Variants in GTF2F1 observed in about 807,000 individuals in gnomAD.
The protein encoded by GTF2F1 is general transcription factor IIF subunit 1.
A neutral mutation model predicts 63.5 loss-of-function variants in GTF2F1; 39 were observed. The observed-to-expected ratio is 0.61, with a 90% confidence interval of 0.48 to 0.80. GTF2F1 has a LOEUF of 0.80. Among genes scored for constraint, GTF2F1 ranks in the 30% least tolerant of loss-of-function variants. The pLI is 0.00. For synonymous variants in GTF2F1, 287 were observed against 285.3 expected (o/e 1.01, Z -0.06); for missense variants, 657 against 718.3 (o/e 0.91, Z 0.97).
At chr19:6,388,356 G>C (rs1313493946) in intron 4 of GTF2F1, among the ~76,000 whole-genome samples, 1 of 152,184 alleles carries the variant, frequency 6.6e-6, no homozygotes, top group Non-Finnish European at 1.5e-5. Flanking sequence ...GACAGTCTGG[G>C]TGAGTGCCTC....
At position 6,383,560 on chromosome 19, in the gene GTF2F1, G is replaced by A. The variant is rs2091963061; in HGVS notation, c.498-65C>T. 2.6e-6 allele frequency: 4 copies of A among 1,553,788 alleles called. No individual in the cohort carries two copies. The African/African-American group carries it at 5.4e-5, about 21-fold the overall frequency. ...ACCACCCTGCATCTGTGCTTGCAGG[G>A]GGCGAGCCCCAGGGCACCACCCACA... On this transcript the variant is annotated intron_variant, in intron 5 of 12. Coordinates refer to ENST00000394456, the MANE Select transcript of GTF2F1 (RefSeq NM_002096.3). This position sits in a 1 kb window ranked among gnomAD's most constrained non-coding sequence, Gnocchi z 4.5.
rs762261355 is a variant in GTF2F1, at chr19:6,383,398, G to A, written c.595C>T (p.Arg199Cys). The A allele has an allele frequency of 1.2e-5, 19 of 1,614,174 alleles. No homozygotes were observed. In the East Asian group the frequency reaches 2.0e-4, roughly 17 times the overall value. ...EDEEEKEKRGRRKASELRIHD... is the reference protein window; with the variant it reads ...EDEEEKEKRGCRKASELRIHD... ...ATGCGCAGCTCGCTCGCCTTCCTGC[G>A]GCCACGTTTCTCCTTCTCCTCCTCA... is the stretch of plus-strand genomic sequence containing the variant. Residue 199 changes from arginine (R) to cysteine (C), a missense_variant, in exon 6 of 13, where the codon CGC (arginine) becomes TGC (cysteine). Arg to Cys is a radical substitution (Grantham distance 180). Coordinates refer to ENST00000394456, the MANE Select transcript of GTF2F1 (RefSeq NM_002096.3). The surrounding 1 kb of genome is among the most constrained non-coding windows in gnomAD (Gnocchi z 4.5).
chr19:6,382,101 T>A (rs779290785), intron 6 of GTF2F1, among the ~76,000 whole-genome samples: 1 of 151,974 alleles, frequency 6.6e-6, no homozygotes, highest in Non-Finnish European at 1.5e-5. Flanking sequence ...GCGAGGCACC[T>A]GATAACCAGG....
Position 6,381,150 on chromosome 19 carries a change from C to A in GTF2F1, c.1064G>T (p.Ser355Ile), listed in dbSNP as rs759814022. 6 of 1,611,926 alleles carry A rather than the reference C, an allele frequency of 3.7e-6. No individual in the cohort carries two copies. Among genetic ancestry groups the A allele is most frequent in the Non-Finnish European group, 5.1e-6 (6 of 1,179,298 alleles). ...CATGAAGAGGGCTGAGGAGGCCTCG[C>A]TGTCAATGTCGCTCTCCTCTGAGCT... The part of the protein sequence containing the change: ...SDSSEESDID[S>I]EASSALFMAK... The change falls in exon 10 of 13, where the codon AGC (serine) becomes ATC (isoleucine). Residue 355 changes from serine (S) to isoleucine (I), a missense_variant. By Grantham distance (142) the Ser-to-Ile change is moderately radical. Around this residue, in one of 2 missense-constraint regions of GTF2F1, gnomAD observed 602 missense variants for 625.6 expected, o/e 0.96. Transcript: ENST00000394456. This position sits in a 1 kb window ranked among gnomAD's most constrained non-coding sequence, Gnocchi z 4.1.
rs745472895 is a variant in GTF2F1, at chr19:6,381,045, G to A, written c.1093-3C>T. ...CTCTTGGGTGGCGTCTTCTTCTTCTGCAGAGGTCAGGGTTGGGAGGTGGGT... is the reference window on the plus strand; with the variant it reads ...CTCTTGGGTGGCGTCTTCTTCTTCTACAGAGGTCAGGGTTGGGAGGTGGGT... On this transcript the variant is annotated splice_polypyrimidine_tract_variant and splice_region_variant and intron_variant, in intron 10 of 12. Transcript: ENST00000394456. This position sits in a 1 kb window ranked among gnomAD's most constrained non-coding sequence, Gnocchi z 4.1. 2.0e-5 allele frequency: 32 copies of A among 1,611,218 alleles called. No individual in the cohort carries two copies. Among genetic ancestry groups the A allele is most frequent in the Non-Finnish European group, 2.7e-5 (32 of 1,178,926 alleles).
chr19:6,381,056 G>T lies in GTF2F1; in HGVS notation c.1093-14C>A. ...CGTCTTCTTCTTCTGCAGAGGTCAG[G>T]GTTGGGAGGTGGGTGAGTCTGCAAA... On this transcript the variant is annotated splice_polypyrimidine_tract_variant and intron_variant, in intron 10 of 12. Transcript: ENST00000394456. This position sits in a 1 kb window ranked among gnomAD's most constrained non-coding sequence, Gnocchi z 4.1. 1 of 1,610,880 alleles carries T rather than the reference G, an allele frequency of 6.2e-7. No homozygotes were observed. Among genetic ancestry groups the T allele is most frequent in the Admixed American group, 1.7e-5 (1 of 59,590 alleles).
At position 6,380,562 on chromosome 19, in the gene GTF2F1, C is replaced by G; in HGVS notation, c.1349+11G>C. 1 of 1,613,654 alleles carries G rather than the reference C, an allele frequency of 6.2e-7. No individual in the cohort carries two copies. The highest frequency in any genetic ancestry group is 2.2e-5 in the East Asian group (1 of 44,866). The stretch of plus-strand genomic sequence containing the variant: ...CCCTTGCCCTGCCCCCTGCTGTCCT[C>G]GTCAACTTACCCGCTGTTGGGTGTT... On this transcript the variant is annotated intron_variant, in intron 12 of 12. Transcript: ENST00000394456. The surrounding 1 kb of genome is among the most constrained non-coding windows in gnomAD (Gnocchi z 5.3).
In GTF2F1 at chr19:6,381,431, G is replaced by C; in HGVS notation, c.946C>G (p.Pro316Ala). 1 of 1,610,070 alleles carries C rather than the reference G, an allele frequency of 6.2e-7. No individual in the cohort carries two copies. The highest frequency in any genetic ancestry group is 8.5e-7 in the Non-Finnish European group (1 of 1,179,754). Residue 316 changes from proline (P) to alanine (A), a missense_variant, in exon 9 of 13, where the codon CCG becomes GCG. Pro to Ala is a conservative substitution (Grantham distance 27). Coordinates refer to ENST00000394456, the MANE Select transcript of GTF2F1 (RefSeq NM_002096.3). The surrounding 1 kb of genome is among the most constrained non-coding windows in gnomAD (Gnocchi z 4.1). ...TCCTCCTCCTTGTCCTCCTCAGGCG[G>C]CTTCTCCTCCTCACTCTCCTCACTA... ...DSSEESEEEKPPEEDKEEEEE... is the reference protein window; with the variant it reads ...DSSEESEEEKAPEEDKEEEEE...
chr19:6,385,534 C>T lies in GTF2F1; in HGVS notation c.497+1855G>A, dbSNP rs371718436. Among the ~76,000 whole-genome samples, 220 of 152,028 alleles carry T rather than the reference C, an allele frequency of 1.4e-3. 1 individual carries two copies. Among genetic ancestry groups the T allele is most frequent in the African/African-American group, 4.5e-3 (187 of 41,466 alleles). Reference sequence around the variant, plus strand: ...GATTCTAAGGAAAATACAGCAAAAGCGAACCTGCCCCCCCAGCAATGATTG... The same window carrying T: ...GATTCTAAGGAAAATACAGCAAAAGTGAACCTGCCCCCCCAGCAATGATTG... On this transcript the variant is annotated intron_variant, in intron 5 of 12. Coordinates refer to ENST00000394456, the MANE Select transcript of GTF2F1 (RefSeq NM_002096.3).
In GTF2F1 at chr19:6,381,510, G is replaced by T. The variant is rs201433302; in HGVS notation, c.899-32C>A. On this transcript the variant is annotated intron_variant, in intron 8 of 12. Coordinates refer to ENST00000394456, the MANE Select transcript of GTF2F1 (RefSeq NM_002096.3). The surrounding 1 kb of genome is among the most constrained non-coding windows in gnomAD (Gnocchi z 4.1). ...GGGGCAGGGTATGAGCAAGAGCAGG[G>T]AAGCACCGCCCCCATCTCCCCGGCC... The T allele has an allele frequency of 3.7e-5, 60 of 1,609,348 alleles. No individual in the cohort carries two copies. In the East Asian group the frequency reaches 1.2e-3, roughly 32 times the overall value.
At chr19:6,390,050 A>T (rs947742817) in intron 3 of GTF2F1, among the ~76,000 whole-genome samples, 9 of 152,292 alleles carry the variant, frequency 5.9e-5, no homozygotes, top group African/African-American at 1.9e-4. Context: ...TCTCTCCAGA[A>T]TGCATGCATA....
chr19:6,391,479 G>T, intron 3 of GTF2F1, among the ~76,000 whole-genome samples: 1 of 131,498 alleles, frequency 7.6e-6, no homozygotes, highest in African/African-American at 2.8e-5. Context: ...TTGAGGCAGG[G>T]TCTTGCTCTG....
At chr19:6,389,700 C>A in intron 3 of GTF2F1, 63 bp from the exon 4 acceptor site, 1 of 1,461,778 alleles carries the variant, frequency 6.8e-7, no homozygotes, top group Non-Finnish European at 9.5e-7. Context: ...TGCCCCCCTC[C>A]AGGAACGCCC....
rs540776876 is a variant in GTF2F1 at position 6,381,705 on chromosome 19, G to A, written c.828C>T (p.Asp276=). 24 of 1,614,168 alleles carry A rather than the reference G, an allele frequency of 1.5e-5. No homozygotes were observed. The highest frequency in any genetic ancestry group is 8.9e-5 in the East Asian group (4 of 44,868). ...FEGQEVDYMS[D]GSSSSQEEPE... The stretch of plus-strand genomic sequence containing the variant: ...CCTCCCGTCGGCCTCACCTGGAGCC[G>A]TCTGACATGTAGTCCACCTCTTGGC... Residue 276 remains aspartate, a synonymous_variant, in exon 7 of 13, where the codon GAC becomes GAT. Coordinates refer to ENST00000394456, the MANE Select transcript of GTF2F1 (RefSeq NM_002096.3). This position sits in a 1 kb window ranked among gnomAD's most constrained non-coding sequence, Gnocchi z 4.1.
chr19:6,391,462 T>G lies in GTF2F1; in HGVS notation c.132+440A>C, dbSNP rs527893206. On this transcript the variant is annotated intron_variant, in intron 3 of 12. Transcript: ENST00000394456. The stretch of plus-strand genomic sequence containing the variant: ...CCGTTTTTTTTTTTTTTTTTTTTTT[T>G]TTTTTTTTGAGGCAGGGTCTTGCTC... Among the ~76,000 whole-genome samples, 694 of 133,942 alleles carry G rather than the reference T, an allele frequency of 5.2e-3. 6 individuals carry two copies. The highest frequency in any genetic ancestry group is 0.022 in the African/African-American group (650 of 29,976). The allele number at this position is 133,942 out of a possible 152,430, so 87.9% of individuals were successfully genotyped here. A position where few individuals can be genotyped will look rare whatever the true frequency, so the allele number is the denominator to read the frequency against.
At chr19:6,391,444 T>TG (rs1298528941) in intron 3 of GTF2F1, among the ~76,000 whole-genome samples, 2 of 131,122 alleles carry the variant, frequency 1.5e-5, no homozygotes, top group Non-Finnish European at 3.3e-5. Flanking sequence ...TTTCCGTTTT[T>TG]TTTTTTTTTT....
In GTF2F1 at chr19:6,380,998, C is replaced by T; in HGVS notation, c.1137G>A (p.Gly379=). Residue 379 remains glycine (G), a synonymous_variant, in exon 11 of 13, where the codon GGG becomes GGA. Coordinates refer to ENST00000394456, the MANE Select transcript of GTF2F1 (RefSeq NM_002096.3). This position sits in a 1 kb window ranked among gnomAD's most constrained non-coding sequence, Gnocchi z 5.3. ...PPKRERKPSG[G]SSRGNSRPGT... ...CTGGGCGGCTGTTGCCCCTTGAGCT[C>T]CCTCCCGACGGCTTCCGCTCTCTCT... The T allele has an allele frequency of 6.2e-7, 1 of 1,609,754 alleles. No homozygotes were observed. Among genetic ancestry groups the T allele is most frequent in the Non-Finnish European group, 8.5e-7 (1 of 1,178,170 alleles).
chr19:6,392,851 A>G lies in GTF2F1; in HGVS notation c.59+6T>C. 1 of 1,613,220 alleles carries G rather than the reference A, an allele frequency of 6.2e-7. No homozygotes were observed. The highest frequency in any genetic ancestry group is 8.5e-7 in the Non-Finnish European group (1 of 1,179,344). On this transcript the variant is annotated splice_donor_region_variant and intron_variant, in intron 2 of 12. Transcript: ENST00000394456. ...AGAGGAGTGGGAGATGGGGCTGGGG[A>G]CTTACTTAGGAACTCGAACGACGTA... is the stretch of plus-strand genomic sequence containing the variant.
chr19:6,386,143 A>G (rs1034761224), intron 5 of GTF2F1, among the ~76,000 whole-genome samples: 3 of 151,894 alleles, frequency 2.0e-5, no homozygotes, highest in African/African-American at 7.2e-5. Context: ...CCCCACACTT[A>G]GGGAGGCTGA....
Sources: gnomAD v4.1 joint callset for allele counts (sites outside exome capture counted in the v4.1 genomes callset) on GRCh38, gnomAD v4.1.1 for gene constraint, gnomAD v4.1.1 regional missense constraint, Gnocchi (gnomAD v3.1) non-coding constraint, MANE v1.5 for transcripts, NCBI Gene and HGNC (gene_info 2026-07-23, HGNC 2026-07-21) for gene names.